Variants in DLGAP1 observed in about 807,000 individuals in gnomAD.
DLGAP1 encodes disks large-associated protein 1.
In DLGAP1, 11 loss-of-function variants were observed where a neutral mutation model predicts 90.8. The observed-to-expected ratio is 0.12, with a 90% confidence interval of 0.08 to 0.20. The LOEUF is 0.20. Ranked by LOEUF, DLGAP1 falls within the 10% of genes least tolerant of loss-of-function variation. The probability of loss-of-function intolerance (pLI) is 1.00; values close to 1 mark genes in which losing one functional copy is unlikely to be tolerated. For missense variants in DLGAP1, 1,050 were observed against 1,333.8 expected, an observed-to-expected ratio of 0.79 and a Z score of 3.31; for synonymous variants, 558 against 540.7, an observed-to-expected ratio of 1.03 and a Z score of -0.44.
intron 4 of DLGAP1, among the ~76,000 whole-genome samples, chr18:3,814,568 A>G (rs2067005734): frequency 2.6e-5 from 4 of 151,942 alleles, no homozygotes; most frequent in Admixed American, 2.6e-4. Flanking sequence ...TCACCGTGTT[A>G]GCCAGGATGG....
At chr18:4,054,846 T>C (rs889965220) in intron 2 of DLGAP1, among the ~76,000 whole-genome samples, 3 of 152,228 alleles carry the variant, frequency 2.0e-5, no homozygotes, top group Non-Finnish European at 4.4e-5. Context: ...ACTTGAGCAC[T>C]GGCTTTAGAA....
At chr18:3,593,329 A>T (rs1258492309) in intron 7 of DLGAP1, among the ~76,000 whole-genome samples, 1 of 152,196 alleles carries the variant, frequency 6.6e-6, no homozygotes, top group East Asian at 1.9e-4. Context: ...CACAAAACAA[A>T]ATGCACATGG....
chr18:3,859,027 G>T (rs7234951), intron 4 of DLGAP1, among the ~76,000 whole-genome samples: 19,407 of 152,106 alleles, frequency 0.13, 1,294 homozygotes, highest in Admixed American at 0.15. Flanking sequence ...ATTTTTAACA[G>T]GGACTAAAAA....
intron 7 of DLGAP1, among the ~76,000 whole-genome samples, chr18:3,643,981 T>C (rs1008675022): frequency 2.6e-5 from 4 of 152,248 alleles, no homozygotes; most frequent in Non-Finnish European, 5.9e-5. Flanking sequence ...TCTCTTCTCC[T>C]ACCAGAAACA....
chr18:3,874,761 A>G (rs1304805212), intron 4 of DLGAP1: 2 of 1,452,528 alleles, frequency 1.4e-6, no homozygotes, highest in African/African-American at 2.9e-5. Flanking sequence ...CAATAGTTCT[A>G]AACAGCAGAC....
chr18:4,106,013 C>T (rs1366340133), intron 2 of DLGAP1, among the ~76,000 whole-genome samples: 3 of 121,766 alleles, frequency 2.5e-5, no homozygotes, highest in Non-Finnish European at 4.8e-5. Context: ...GCCTGGGCGA[C>T]AGAGCGAGGG....
At position 3,554,048 on chromosome 18, in the gene DLGAP1, A is replaced by G. The variant is rs137994408; in HGVS notation, c.2057+13442T>C. 2.7e-4 allele frequency among the ~76,000 whole-genome samples: 41 copies of G among 152,218 alleles called. 1 individual carries two copies. The East Asian group carries it at 7.7e-3, about 29-fold the overall frequency. On this transcript the variant is annotated intron_variant, in intron 9 of 12. Transcript: ENST00000315677. ...AAGCCACTGTTAAAATAGAATTGTT[A>G]TTTGGAAGGAAATGGGAGATTCCTG... is the stretch of plus-strand genomic sequence containing the variant.
chr18:3,596,580 C>G, intron 7 of DLGAP1: 1 of 214,824 alleles, frequency 4.7e-6, no homozygotes, highest in South Asian at 5.0e-5. Context: ...TCTGGCCAGA[C>G]TGAGAGAAAG....
intron 1 of DLGAP1, among the ~76,000 whole-genome samples, chr18:4,186,157 C>T (rs986059728): frequency 6.6e-5 from 10 of 151,864 alleles, no homozygotes; most frequent in African/African-American, 2.2e-4. Context: ...GTTTAAGTTC[C>T]GTATAGATGC....
At position 4,059,588 on chromosome 18, in the gene DLGAP1, G is replaced by C. The variant is rs556250219; in HGVS notation, c.-158-54387C>G. ...TAGCTGGGTGTGGTGGTGCATGCCT[G>C]TAATCCCAGCTACTCGGGAGGCTGA... On this transcript the variant is annotated intron_variant, in intron 2 of 12. Transcript: ENST00000315677. 2.6e-5 allele frequency among the ~76,000 whole-genome samples: 4 copies of C among 152,228 alleles called. No homozygotes were observed. In the South Asian group the frequency reaches 8.3e-4, roughly 32 times the overall value.
intron 3 of DLGAP1, among the ~76,000 whole-genome samples, chr18:3,922,869 G>A (rs1195746588): frequency 2.6e-5 from 4 of 151,902 alleles, no homozygotes; most frequent in Admixed American, 6.6e-5. Flanking sequence ...GTCGTGGTTC[G>A]TTCCTGTGAT....
chr18:3,598,698 CGT>C (rs1334761997), intron 7 of DLGAP1, among the ~76,000 whole-genome samples: 4 of 151,394 alleles, frequency 2.6e-5, no homozygotes, highest in Admixed American at 6.6e-5. Context: ...GAACTCCTGA[CGT>C]CAAGCGATCT....
chr18:3,760,006 T>C (rs535080339), intron 5 of DLGAP1, among the ~76,000 whole-genome samples: 2 of 152,274 alleles, frequency 1.3e-5, no homozygotes, highest in African/African-American at 4.8e-5. Flanking sequence ...CAGAGGCCTA[T>C]TGAAGTGAGG....
intron 1 of DLGAP1, among the ~76,000 whole-genome samples, chr18:4,219,199 G>T (rs1399696265): frequency 1.3e-5 from 2 of 151,032 alleles, no homozygotes; most frequent in African/African-American, 2.4e-5. Context: ...ATCTCATTGG[G>T]GTTTTAATTT....
intron 1 of DLGAP1, among the ~76,000 whole-genome samples, chr18:4,172,512 G>T (rs556673624): frequency 6.6e-6 from 1 of 152,316 alleles, no homozygotes; most frequent in African/African-American, 2.4e-5. Context: ...TCTAAGGAGA[G>T]AAATGGTGGG....
chr18:3,977,841 A>C, intron 3 of DLGAP1: 1 of 392,586 alleles, frequency 2.5e-6, no homozygotes. Flanking sequence ...GGATGCCCTC[A>C]AGGGTCCCCT....
At chr18:4,198,000 T>C (rs2077532620) in intron 1 of DLGAP1, among the ~76,000 whole-genome samples, 1 of 151,890 alleles carries the variant, frequency 6.6e-6, no homozygotes, top group African/African-American at 2.4e-5. Context: ...GGCGGGCGGA[T>C]CACGAGATCA....
chr18:3,763,471 T>C (rs1267394301), intron 5 of DLGAP1, among the ~76,000 whole-genome samples: 1 of 152,186 alleles, frequency 6.6e-6, no homozygotes, highest in Non-Finnish European at 1.5e-5. Flanking sequence ...CTCCCCTGTA[T>C]ATATACATCT....
At chr18:4,300,728 A>G (rs1434750421) in intron 1 of DLGAP1, among the ~76,000 whole-genome samples, 1 of 152,218 alleles carries the variant, frequency 6.6e-6, no homozygotes, top group East Asian at 1.9e-4. Context: ...TTGAGTTCTC[A>G]TATGTTAAAA....
Sources: gnomAD v4.1 joint callset for allele counts (sites outside exome capture counted in the v4.1 genomes callset) on GRCh38, gnomAD v4.1.1 for gene constraint, MANE v1.5 for transcripts, NCBI Gene and HGNC (gene_info 2026-07-23, HGNC 2026-07-21) for gene names.